ERC2: variants seen among roughly 807,000 people sequenced by gnomAD.
The protein encoded by ERC2 is ELKS/RAB6-interacting/CAST family member 2.
Under a neutral mutation model 114.8 loss-of-function variants are expected in ERC2, and 42 were observed. The observed-to-expected ratio is 0.37, with a 90% CI of 0.29 to 0.47. ERC2 has a LOEUF of 0.47. Ranked by LOEUF, ERC2 falls within the 20% of genes least tolerant of loss-of-function variation. The probability of loss-of-function intolerance (pLI) is 0.99; values close to 1 mark genes in which losing one functional copy is unlikely to be tolerated. For missense variants in ERC2, 939 were observed against 1,150.7 expected (o/e 0.82, Z 2.66); for synonymous variants, 454 against 425.5 (o/e 1.07, Z -0.82).
At chr3:55,881,902 T>C (rs2063133216) in intron 14 of ERC2, among the ~76,000 whole-genome samples, 1 of 152,202 alleles carries the variant, frequency 6.6e-6, no homozygotes, top group African/African-American at 2.4e-5. Context: ...GTGAATATTA[T>C]GTACTATGAA....
chr3:55,974,056 G>A (rs1287884068), intron 12 of ERC2, among the ~76,000 whole-genome samples: 3 of 152,094 alleles, frequency 2.0e-5, no homozygotes, highest in African/African-American at 4.8e-5. Flanking sequence ...TCTAGCAGCC[G>A]GGAGAACTGA....
intron 17 of ERC2, among the ~76,000 whole-genome samples, chr3:55,615,771 G>A (rs1417734558): frequency 1.3e-5 from 2 of 152,098 alleles, no homozygotes; most frequent in Non-Finnish European, 2.9e-5. Context: ...ATGTCTTTAC[G>A]AGGAAGCAAT....
At chr3:56,317,687 C>T (rs1298108306) in intron 2 of ERC2, among the ~76,000 whole-genome samples, 1 of 152,126 alleles carries the variant, frequency 6.6e-6, no homozygotes, top group Non-Finnish European at 1.5e-5. Context: ...GGGGATATAA[C>T]AATGAGCGAG....
intron 2 of ERC2, among the ~76,000 whole-genome samples, chr3:56,309,132 A>C (rs2056397941): frequency 6.6e-6 from 1 of 152,222 alleles, no homozygotes; most frequent in African/African-American, 2.4e-5. Flanking sequence ...GGAGGTATAA[A>C]AAATTAATAT....
chr3:55,786,139 C>G (rs1306448733), intron 14 of ERC2, among the ~76,000 whole-genome samples: 1 of 152,076 alleles, frequency 6.6e-6, no homozygotes, highest in Non-Finnish European at 1.5e-5. Context: ...TACAGTAGAA[C>G]AATTATCTTT....
At chr3:55,750,631 G>C (rs978628480) in intron 14 of ERC2, among the ~76,000 whole-genome samples, 1 of 152,162 alleles carries the variant, frequency 6.6e-6, no homozygotes, top group South Asian at 2.1e-4. Flanking sequence ...TCCAGATGGG[G>C]TAAGTGTCTG....
chr3:55,993,726 A>C (rs2071263692), intron 10 of ERC2, among the ~76,000 whole-genome samples: 1 of 151,880 alleles, frequency 6.6e-6, no homozygotes, highest in Non-Finnish European at 1.5e-5. Context: ...ACTATCAGGT[A>C]CTGGTTTATT....
At chr3:56,191,589 G>A (rs1044418748) in intron 3 of ERC2, among the ~76,000 whole-genome samples, 4 of 152,138 alleles carry the variant, frequency 2.6e-5, no homozygotes, top group Non-Finnish European at 5.9e-5. Flanking sequence ...ATGAAGGATA[G>A]ATGAACAGAT....
chr3:55,953,017 C>A (rs2067690109), intron 12 of ERC2, among the ~76,000 whole-genome samples: 1 of 151,908 alleles, frequency 6.6e-6, no homozygotes, highest in South Asian at 2.1e-4. Context: ...CATGGTGAAA[C>A]CCCATCTCTA....
At chr3:55,584,329 T>G (rs972231013) in intron 17 of ERC2, among the ~76,000 whole-genome samples, 5 of 152,172 alleles carry the variant, frequency 3.3e-5, no homozygotes, top group African/African-American at 1.2e-4. Flanking sequence ...TAATAAGGAC[T>G]TAAAGTATTA....
intron 15 of ERC2, among the ~76,000 whole-genome samples, chr3:55,717,054 G>A (rs1249137787): frequency 6.6e-6 from 1 of 152,094 alleles, no homozygotes; most frequent in Admixed American, 6.5e-5. Flanking sequence ...CCTAGAGTAG[G>A]TATTCAGTGA....
chr3:55,661,831 TA>T (rs1016876164), intron 17 of ERC2, among the ~76,000 whole-genome samples: 34 of 146,706 alleles, frequency 2.3e-4, no homozygotes, highest in South Asian at 4.3e-4. Context: ...AAAGGTTATT[TA>T]AAAAAAAAAA....
chr3:55,699,554 G>C, intron 15 of ERC2, 42 bp from the exon 16 acceptor site: 1 of 1,569,030 alleles, frequency 6.4e-7, no homozygotes, highest in Non-Finnish European at 8.7e-7. Context: ...TCAGGAGCCA[G>C]AAGATCAGTC....
At chr3:55,742,816 G>A (rs1379034118) in intron 14 of ERC2, among the ~76,000 whole-genome samples, 1 of 152,198 alleles carries the variant, frequency 6.6e-6, no homozygotes, top group Non-Finnish European at 1.5e-5. Flanking sequence ...TAAAAGCTGT[G>A]TTTTCAAATG....
intron 12 of ERC2, among the ~76,000 whole-genome samples, chr3:55,961,862 A>C (rs935934518): frequency 6.0e-5 from 9 of 150,876 alleles, no homozygotes; most frequent in African/African-American, 2.2e-4. Context: ...TCAAAAAAAA[A>C]AAAAAAGCCA....
intron 3 of ERC2, among the ~76,000 whole-genome samples, chr3:56,231,177 G>C (rs2050594239): frequency 6.6e-6 from 1 of 152,168 alleles, no homozygotes; most frequent in Admixed American, 6.5e-5. Flanking sequence ...TCTGACGCCA[G>C]ATTAAGCTCG....
intron 2 of ERC2, among the ~76,000 whole-genome samples, chr3:56,423,372 C>T (rs955250323): frequency 6.6e-6 from 1 of 152,232 alleles, no homozygotes; most frequent in African/African-American, 2.4e-5. Flanking sequence ...GGGGCTGTCC[C>T]GTGCACTGTA....
At chr3:55,926,794 T>C (rs1172351153) in intron 13 of ERC2, among the ~76,000 whole-genome samples, 1 of 152,100 alleles carries the variant, frequency 6.6e-6, no homozygotes, top group Non-Finnish European at 1.5e-5. Flanking sequence ...AATTTCCTAT[T>C]TCAGGTCTCT....
intron 17 of ERC2, among the ~76,000 whole-genome samples, chr3:55,669,135 TATA>T (rs751396386): frequency 6.6e-5 from 10 of 152,166 alleles, no homozygotes; most frequent in Non-Finnish European, 1.2e-4. Flanking sequence ...GCATTTCAGG[TATA>T]ATTATATTTT....
Sources: allele counts gnomAD v4.1 joint callset (sites outside exome capture counted in the v4.1 genomes callset), GRCh38; gene constraint gnomAD v4.1.1; transcripts MANE v1.5; gene names NCBI Gene and HGNC (gene_info 2026-07-23, HGNC 2026-07-21).